IPO5: variants seen among roughly 807,000 people sequenced by gnomAD.
IPO5 encodes the protein importin 5, also known as importin-5.
A neutral mutation model predicts 143.3 loss-of-function variants in IPO5; 18 were observed. The observed-to-expected ratio is 0.13, with a 90% CI of 0.09 to 0.19. IPO5 has a LOEUF of 0.19. Ranked by LOEUF, IPO5 falls within the 10% of genes least tolerant of loss-of-function variation. IPO5 has a pLI of 1.00. For synonymous variants in IPO5, 477 were observed against 465.7 expected, an observed-to-expected ratio of 1.02 and a Z score of -0.31; for missense variants, 1,013 against 1,336.9, an observed-to-expected ratio of 0.76 and a Z score of 3.78.
Position 97,970,973 on chromosome 13 carries a change from T to C in IPO5, c.-5+1143T>C, listed in dbSNP as rs1281006640. 3.9e-5 allele frequency among the ~76,000 whole-genome samples: 6 copies of C among 152,092 alleles called. No individual in the cohort carries two copies. In the East Asian group the frequency reaches 1.2e-3, roughly 29 times the overall value. ...CTCTGTGCCCGGCACTACTGCCAGG[T>C]ATTTTAATCAGTAGTAAAAAATACT... On this transcript the variant is annotated intron_variant, in intron 3 of 28. Coordinates refer to ENST00000651721, the MANE Select transcript of IPO5 (RefSeq NM_002271.6).
intron 4 of IPO5, 63 bp downstream of exon 4, chr13:97,976,849 C>T (rs553575686): frequency 3.6e-5 from 23 of 643,198 alleles, no homozygotes; most frequent in Non-Finnish European, 5.3e-5. Flanking sequence ...TTACCGACGC[C>T]AGCCGCACCG....
Position 98,016,780 on chromosome 13 carries a change from A to T in IPO5, c.2545A>T (p.Ile849Leu). Residue 849 changes from isoleucine (I) to leucine (L), a missense_variant, in exon 25 of 29, where the codon ATA (isoleucine) becomes TTA (leucine). This residue lies in a region of IPO5 where 685 missense variants were observed against 994.9 expected (regional missense o/e 0.69). Transcript: ENST00000651721. Reference protein sequence around the residue: ...LTKVSDILHSIFSSYKEKVLP... With the variant: ...LTKVSDILHSLFSSYKEKVLP... ...CAAAGTGTCAGATATTTTACACTCA[A>T]TATTCAGTAGCTACAAAGAAAAGGT... 1.3e-6 allele frequency: 2 copies of T among 1,558,166 alleles called. No individual in the cohort carries two copies. Among genetic ancestry groups the T allele is most frequent in the Non-Finnish European group, 1.7e-6 (2 of 1,146,920 alleles).
In IPO5 at chr13:98,018,662, A is replaced by G. The variant is rs1051231256; in HGVS notation, c.2794A>G (p.Met932Val). Residue 932 changes from methionine (M) to valine (V), a missense_variant, in exon 26 of 29, where the codon ATG becomes GTG. By Grantham distance (21) the Met-to-Val change is conservative (BLOSUM62 1). Transcript: ENST00000651721. ...AGCAGCTGCATATGGCCTGGGAGTC[A>G]TGGCACAGTACGGTGGAGATAATTA... ...RQAAAYGLGV[M>V]AQYGGDNYRP... is the part of the protein sequence containing the mutation. The G allele has an allele frequency of 1.9e-6, 3 of 1,614,228 alleles. No individual in the cohort carries two copies. The Admixed American group carries it at 5.0e-5, about 27-fold the overall frequency.
At chr13:98,006,688 T>C (rs1302344164) in intron 17 of IPO5, among the ~76,000 whole-genome samples, 4 of 152,124 alleles carry the variant, frequency 2.6e-5, no homozygotes, top group African/African-American at 9.6e-5. Flanking sequence ...ATTTCTATTA[T>C]GTTAAATTTA....
In IPO5 at chr13:97,975,196, C is replaced by A. The variant is rs1049557889; in HGVS notation, c.-4-1497C>A. Among the ~76,000 whole-genome samples the A allele has an allele frequency of 4.5e-5, 6 of 133,498 alleles. No individual in the cohort carries two copies. In the East Asian group the frequency reaches 1.3e-3, roughly 28 times the overall value. The allele number at this position is 133,498 out of a possible 152,430, so 87.6% of individuals were successfully genotyped here. Reference sequence around the variant, plus strand: ...GAAATGAATTGTTTTTGTAGCTGGGCGCAGTGGCTCATGCCTGTAATCCTA... The same window carrying A: ...GAAATGAATTGTTTTTGTAGCTGGGAGCAGTGGCTCATGCCTGTAATCCTA... On this transcript the variant is annotated intron_variant, in intron 3 of 28. Coordinates refer to ENST00000651721, the MANE Select transcript of IPO5 (RefSeq NM_002271.6).
intron 6 of IPO5, chr13:97,988,156 TG>T (rs750560464): frequency 1.2e-5 from 2 of 160,424 alleles, no homozygotes; most frequent in African/African-American, 2.4e-5. Flanking sequence ...GTCTTATAAG[TG>T]GCACAGTAGA....
chr13:97,976,410 T>C (rs986112919), intron 3 of IPO5: 76 of 151,694 alleles, frequency 5.0e-4, no homozygotes, highest in Admixed American at 5.0e-3. Context: ...GCAGGGTGCG[T>C]GGCCAATCAG....
At chr13:97,971,070 T>C (rs1471980744) in intron 3 of IPO5, among the ~76,000 whole-genome samples, 5 of 152,240 alleles carry the variant, frequency 3.3e-5, no homozygotes, top group Admixed American at 6.5e-5. Context: ...TCACACAGCA[T>C]GTAGGCTGTG....
intron 2 of IPO5, among the ~76,000 whole-genome samples, chr13:97,960,751 G>A (rs998050277): frequency 1.1e-4 from 16 of 151,894 alleles, no homozygotes; most frequent in Non-Finnish European, 5.9e-5. Flanking sequence ...TAGAGACAGC[G>A]TTTCACCATG....
intron 22 of IPO5, 78 bp downstream of exon 22, chr13:98,014,292 A>AG: frequency 9.1e-7 from 1 of 1,102,570 alleles, no homozygotes; most frequent in Non-Finnish European, 1.3e-6. Context: ...AAAAAAAAAA[A>AG]TTTGAGACAG....
intron 2 of IPO5, among the ~76,000 whole-genome samples, chr13:97,966,627 A>C (rs1885365049): frequency 6.6e-6 from 1 of 151,874 alleles, no homozygotes; most frequent in African/African-American, 2.4e-5. Context: ...TTACGTGTTC[A>C]CTCTGCTTCT....
chr13:98,019,840 T>C (rs751986427), intron 27 of IPO5, 31 bp downstream of exon 27: 1 of 1,442,484 alleles, frequency 6.9e-7, no homozygotes, highest in South Asian at 1.1e-5. Context: ...CTTATTTCCT[T>C]CTCCTCCACA....
rs750413234 is a variant in IPO5, at chr13:97,976,714, G to A, written c.18G>A (p.Ala6=). The part of the protein sequence containing the change: MAAAA[A]EQQQFYLLLG... ...CTAGCGCAATGGCGGCGGCCGCGGC[G>A]GAGCAGCAACAGTTCTACCTGCTCC... is the stretch of plus-strand genomic sequence containing the variant. Residue 6 remains alanine, a synonymous_variant, in exon 4 of 29, where the codon GCG becomes GCA. Coordinates refer to ENST00000651721, the MANE Select transcript of IPO5 (RefSeq NM_002271.6). 7.2e-7 allele frequency: 1 copy of A among 1,392,176 alleles called. No homozygotes were observed. Among genetic ancestry groups the A allele is most frequent in the African/African-American group, 1.5e-5 (1 of 65,338 alleles). 86.2% of individuals were successfully genotyped at this position (1,392,176 alleles called of 1,614,324 possible).
Position 98,024,107 on chromosome 13 carries a change from A to G in IPO5, c.*2285A>G, listed in dbSNP as rs1481779457. 4 of 152,340 alleles carry G rather than the reference A, an allele frequency of 2.6e-5. No individual in the cohort carries two copies. In the South Asian group the frequency reaches 6.2e-4, roughly 24 times the overall value. 9.4% of individuals were successfully genotyped at this position (152,340 alleles called of 1,614,324 possible). ...TTCTGGGAATTTTGTAACAAGTTAC[A>G]CGCACAAGTGTTAGAAACTTTGGCA... On this transcript the variant is annotated 3_prime_UTR_variant, in exon 29 of 29. Transcript: ENST00000651721.
intron 2 of IPO5, among the ~76,000 whole-genome samples, chr13:97,965,102 A>G (rs1885209903): frequency 1.3e-5 from 2 of 152,136 alleles, no homozygotes. Flanking sequence ...AGAAAACCAA[A>G]CACCACATGT....
At chr13:98,017,537 A>C (rs1890206298) in intron 25 of IPO5, among the ~76,000 whole-genome samples, 1 of 151,840 alleles carries the variant, frequency 6.6e-6, no homozygotes, top group African/African-American at 2.4e-5. Context: ...TGACCTAGTG[A>C]TCCACCCGCC....
intron 5 of IPO5, among the ~76,000 whole-genome samples, chr13:97,984,929 T>C (rs1887196992): frequency 6.6e-6 from 1 of 151,062 alleles, no homozygotes; most frequent in Admixed American, 6.6e-5. Context: ...TAGCACTTTT[T>C]AGGTATCGGG....
At chr13:97,953,874 G>C (rs1310270166) in intron 1 of IPO5, 158 bp downstream of exon 1, 3 of 455,458 alleles carry the variant, frequency 6.6e-6, no homozygotes, top group Non-Finnish European at 1.3e-5. Context: ...TCATACCCAA[G>C]AGGAAGGAAA....
rs1356959939 is a variant in IPO5, at chr13:98,023,448, G to C, written c.*1626G>C. 6.6e-6 allele frequency: 1 copy of C among 152,182 alleles called. No homozygotes were observed. The highest frequency in any genetic ancestry group is 2.4e-5 in the African/African-American group (1 of 41,458). The allele number at this position is 152,182 out of a possible 1,614,324, so 9.4% of individuals were successfully genotyped here. A position where few individuals can be genotyped will look rare whatever the true frequency, so the allele number is the denominator to read the frequency against. On this transcript the variant is annotated 3_prime_UTR_variant, in exon 29 of 29. Coordinates refer to ENST00000651721, the MANE Select transcript of IPO5 (RefSeq NM_002271.6). ...TTCATGTACTGATGCCAATCAGCTA[G>C]AGCAATGTAGGCTTTTTTTAATTTA...
Sources: allele counts gnomAD v4.1 joint callset (sites outside exome capture counted in the v4.1 genomes callset), GRCh38; gene constraint gnomAD v4.1.1; regional missense constraint gnomAD v4.1.1; transcripts MANE v1.5; gene names NCBI Gene and HGNC (gene_info 2026-07-23, HGNC 2026-07-21).